Variants in GRID2 observed in about 807,000 individuals in gnomAD.
GRID2 encodes glutamate ionotropic receptor delta type subunit 2, also known as glutamate receptor ionotropic, delta-2.
GRID2 carries 33 observed loss-of-function variants against 114.8 expected under a neutral mutation model. The ratio of observed to expected loss-of-function variants is 0.29; its 90% confidence interval spans 0.22 to 0.38. GRID2 has a LOEUF of 0.38. Ranked by LOEUF, GRID2 falls within the 10% of genes least tolerant of loss-of-function variation. The pLI is 1.00. For synonymous variants in GRID2, 505 were observed against 449.9 expected (o/e 1.12, Z -1.55); for missense variants, 1,184 against 1,257.7 (o/e 0.94, Z 0.89).
In GRID2 at chr4:92,413,115, T is replaced by C. The variant is rs562094490; in HGVS notation, c.88+108371T>C. ...ATTACATGGATATATTGCATAGTAG[T>C]GAAGTCTGGGCTTTCAGTGTAACCA... On this transcript the variant is annotated intron_variant, in intron 1 of 15. Coordinates refer to ENST00000282020, the MANE Select transcript of GRID2 (RefSeq NM_001510.4). Among the ~76,000 whole-genome samples, 3 of 152,310 alleles carry C rather than the reference T, an allele frequency of 2.0e-5. No homozygotes were observed. In the East Asian group the frequency reaches 5.8e-4, roughly 29 times the overall value.
At chr4:92,739,759 A>T (rs1015896441) in intron 2 of GRID2, among the ~76,000 whole-genome samples, 4 of 152,174 alleles carry the variant, frequency 2.6e-5, no homozygotes, top group African/African-American at 9.7e-5. Flanking sequence ...ATAGGAGAAG[A>T]GGAAGAAAGG....
At chr4:92,688,037 CTTTTTTTTTTTTTTTT>C (rs760605020) in intron 2 of GRID2, among the ~76,000 whole-genome samples, 1 of 44,656 alleles carries the variant, frequency 2.2e-5, no homozygotes, top group Non-Finnish European at 4.1e-5. Context: ...CCTTCTTCTT[CTTTTTTTTTTTTTTTT>C]TTTTTTTTTT....
At chr4:93,508,322 G>A (rs1330424468) in intron 12 of GRID2, among the ~76,000 whole-genome samples, 2 of 150,940 alleles carry the variant, frequency 1.3e-5, no homozygotes, top group African/African-American at 4.9e-5. Context: ...TCAGCCTCCC[G>A]AGTAGTTGGG....
chr4:93,806,054 G>A (rs567983243), intron 1 of GRID2, among the ~76,000 whole-genome samples: 4 of 152,006 alleles, frequency 2.6e-5, no homozygotes, highest in South Asian at 2.1e-4. Context: ...CTGAGATAAC[G>A]CCACAGCACT....
At chr4:92,518,402 G>A (rs151094731) in intron 1 of GRID2, among the ~76,000 whole-genome samples, 1 of 151,992 alleles carries the variant, frequency 6.6e-6, no homozygotes, top group East Asian at 1.9e-4. Flanking sequence ...GCATTTGGTT[G>A]AGCACTGAAG....
At chr4:93,555,490 C>T (rs928359768) in intron 13 of GRID2, among the ~76,000 whole-genome samples, 2 of 152,166 alleles carry the variant, frequency 1.3e-5, no homozygotes, top group Non-Finnish European at 2.9e-5. Context: ...ACAAAGCTTC[C>T]TGGAAGTTCG....
chr4:93,258,367 G>A (rs1261059757), intron 8 of GRID2, among the ~76,000 whole-genome samples: 1 of 151,612 alleles, frequency 6.6e-6, no homozygotes, highest in Non-Finnish European at 1.5e-5. Flanking sequence ...GGACCATAAT[G>A]TCAGAGAAGT....
chr4:93,498,603 T>C (rs1254550330), intron 12 of GRID2, among the ~76,000 whole-genome samples: 2 of 151,884 alleles, frequency 1.3e-5, no homozygotes, highest in Non-Finnish European at 2.9e-5. Flanking sequence ...GGGTTTTTGG[T>C]AGATCCTTTC....
intron 2 of GRID2, among the ~76,000 whole-genome samples, chr4:92,740,739 GATGGATA>G (rs1448781656): frequency 8.3e-5 from 12 of 144,906 alleles, no homozygotes; most frequent in Admixed American, 3.4e-4. Flanking sequence ...TAGATAGATA[GATGGATA>G]GATAGATAGA....
At chr4:93,534,098 T>C (rs745405365) in intron 13 of GRID2, among the ~76,000 whole-genome samples, 3 of 152,218 alleles carry the variant, frequency 2.0e-5, no homozygotes, top group South Asian at 2.1e-4. Context: ...CGTGACCTAC[T>C]TTCTCACCAT....
At chr4:93,094,225 A>T (rs1731015368) in intron 3 of GRID2, among the ~76,000 whole-genome samples, 1 of 152,094 alleles carries the variant, frequency 6.6e-6, no homozygotes, top group Non-Finnish European at 1.5e-5. Context: ...AGTTGAATTT[A>T]TACTTCATGA....
intron 14 of GRID2, among the ~76,000 whole-genome samples, chr4:93,740,603 A>T (rs557998792): frequency 1.3e-5 from 2 of 152,222 alleles, no homozygotes; most frequent in Non-Finnish European, 2.9e-5. Flanking sequence ...TTTGAGACAT[A>T]AAGTGTATAG....
chr4:92,957,194 G>A (rs1752467868), intron 2 of GRID2, among the ~76,000 whole-genome samples: 2 of 151,948 alleles, frequency 1.3e-5, no homozygotes, highest in Admixed American at 6.6e-5. Context: ...CATGAATCAT[G>A]CCTTTGTTGT....
intron 14 of GRID2, among the ~76,000 whole-genome samples, chr4:93,636,737 T>C (rs1298753606): frequency 2.6e-5 from 4 of 152,144 alleles, no homozygotes; most frequent in African/African-American, 2.4e-5. Context: ...ATTATGTCTA[T>C]AGAGGAAACA....
At chr4:93,465,674 GA>G (rs1724199736) in intron 11 of GRID2, among the ~76,000 whole-genome samples, 1 of 152,154 alleles carries the variant, frequency 6.6e-6, no homozygotes, top group Admixed American at 6.5e-5. Context: ...GCAAGAGATA[GA>G]ATCAGCCATA....
chr4:93,749,578 A>G lies in GRID2; in HGVS notation c.2361-19632A>G, dbSNP rs1732136973. Among the ~76,000 whole-genome samples the G allele has an allele frequency of 2.0e-5, 3 of 152,180 alleles. No homozygotes were observed. The South Asian group carries it at 6.2e-4, about 31-fold the overall frequency. On this transcript the variant is annotated intron_variant, in intron 14 of 15. Coordinates refer to ENST00000282020, the MANE Select transcript of GRID2 (RefSeq NM_001510.4). The stretch of plus-strand genomic sequence containing the variant: ...ACCAGAGAGGCAAACCGAGGCTGTT[A>G]GTCTACCACCATGCTATTCATACCA...
rs188124398 is a variant in GRID2 at position 92,460,047 on chromosome 4, T to C, written c.89-130084T>C. Among the ~76,000 whole-genome samples, 42 of 118,416 alleles carry C rather than the reference T, an allele frequency of 3.5e-4. 2 individuals carry two copies. Among genetic ancestry groups the C allele is most frequent in the African/African-American group, 1.4e-3 (41 of 28,908 alleles). The allele number at this position is 118,416 out of a possible 152,430, so 77.7% of individuals were successfully genotyped here. On this transcript the variant is annotated intron_variant, in intron 1 of 15. Coordinates refer to ENST00000282020, the MANE Select transcript of GRID2 (RefSeq NM_001510.4). ...ATAAATCTCACTATATATATATATATATATATACACACACAACTTTTTGGT... is the reference window on the plus strand; with the variant it reads ...ATAAATCTCACTATATATATATATACATATATACACACACAACTTTTTGGT...
At chr4:93,004,941 G>A in intron 2 of GRID2, among the ~76,000 whole-genome samples, 1 of 151,962 alleles carries the variant, frequency 6.6e-6, no homozygotes, top group South Asian at 2.1e-4. Context: ...CTTTGTCTTT[G>A]TTTTTTCTGT....
chr4:92,338,059 C>A (rs1221309033), intron 1 of GRID2, among the ~76,000 whole-genome samples: 1 of 152,036 alleles, frequency 6.6e-6, no homozygotes, highest in East Asian at 1.9e-4. Context: ...CAAAAAAGAA[C>A]TAGGGATGCT....
Sources: gnomAD v4.1 joint callset for allele counts (sites outside exome capture counted in the v4.1 genomes callset) on GRCh38, gnomAD v4.1.1 for gene constraint, MANE v1.5 for transcripts, NCBI Gene and HGNC (gene_info 2026-07-23, HGNC 2026-07-21) for gene names.